Variants in SPMIP5 observed in about 807,000 individuals in gnomAD.
The protein encoded by SPMIP5 is sperm microtubule inner protein 5.
chr10:116,665,496 C>G, the SPMIP5 span: 1 of 892,420 alleles, frequency 1.1e-6, no homozygotes, highest in Non-Finnish European at 1.7e-6. Flanking sequence ...GTGCTGACCC[C>G]TGGGATTTGG....
At chr10:116,664,815 TCC>T in the SPMIP5 span, 1 of 1,614,006 alleles carries the variant, frequency 6.2e-7, no homozygotes, top group Non-Finnish European at 8.5e-7. Context: ...CTCCAGGAAG[TCC>T]TTGTAGCAGT....
chr10:116,664,439 G>A, the SPMIP5 span: 2 of 784,548 alleles, frequency 2.5e-6, no homozygotes, highest in Middle Eastern at 3.9e-4. Flanking sequence ...TTTCGCAGAA[G>A]AGAAAGCTGA....
At chr10:116,669,790 G>A in the SPMIP5 span, 1 of 152,248 alleles carries the variant, frequency 6.6e-6, no homozygotes, top group Admixed American at 6.5e-5. Flanking sequence ...GCATCAGCTG[G>A]GGTATAAGCC....
At chr10:116,664,182 G>C in the SPMIP5 span, 4 of 1,613,992 alleles carry the variant, frequency 2.5e-6, no homozygotes, top group Admixed American at 1.7e-5. Context: ...ACCTGGAATA[G>C]AAAAATCGGG....
At chr10:116,664,121 T>C in the SPMIP5 span, 4 of 1,613,876 alleles carry the variant, frequency 2.5e-6, no homozygotes, top group Admixed American at 3.3e-5. Flanking sequence ...ACTGCAAACA[T>C]TTCATCCCCT....
chr10:116,667,115 G>A, the SPMIP5 span, among the ~76,000 whole-genome samples: 5 of 152,182 alleles, frequency 3.3e-5, no homozygotes, highest in Non-Finnish European at 7.3e-5. Flanking sequence ...TCTGATGACT[G>A]ATGTCCTTAT....
chr10:116,664,140 C>T, the SPMIP5 span: 27 of 1,613,898 alleles, frequency 1.7e-5, 1 homozygote, highest in African/African-American at 5.3e-5. Flanking sequence ...CTTTTTAAAA[C>T]GGTAGTAGGA....
chr10:116,669,916 T>C, the SPMIP5 span: 3 of 152,188 alleles, frequency 2.0e-5, no homozygotes, highest in African/African-American at 7.2e-5. Context: ...CAATCCCACC[T>C]CAGCGCTCAC....
chr10:116,668,533 T>C, the SPMIP5 span, among the ~76,000 whole-genome samples: 1 of 152,088 alleles, frequency 6.6e-6, no homozygotes, highest in South Asian at 2.1e-4. Flanking sequence ...CCATCACCTT[T>C]TATGTTAACT....
At chr10:116,663,352 A>G in the SPMIP5 span, among the ~76,000 whole-genome samples, 3 of 152,176 alleles carry the variant, frequency 2.0e-5, no homozygotes. Context: ...CTAACACCCC[A>G]GTTTTGGACT....
the SPMIP5 span, among the ~76,000 whole-genome samples, chr10:116,666,919 T>C: frequency 6.6e-6 from 1 of 152,354 alleles, no homozygotes; most frequent in East Asian, 1.9e-4. Context: ...CTGGCTCCTT[T>C]AATCCTCACA....
At chr10:116,669,791 G>C in the SPMIP5 span, 1 of 152,264 alleles carries the variant, frequency 6.6e-6, no homozygotes. Flanking sequence ...CATCAGCTGG[G>C]GTATAAGCCT....
the SPMIP5 span, among the ~76,000 whole-genome samples, chr10:116,662,518 G>GA: frequency 6.6e-6 from 1 of 152,126 alleles, no homozygotes; most frequent in Admixed American, 6.5e-5. Flanking sequence ...TCTACCCATG[G>GA]AATCATGGGA....
chr10:116,666,561 T>C, the SPMIP5 span, among the ~76,000 whole-genome samples: 1 of 152,146 alleles, frequency 6.6e-6, no homozygotes. Flanking sequence ...CCAACATTTT[T>C]GCCATGGTCT....
chr10:116,668,968 C>CACACACACACACAA, the SPMIP5 span, among the ~76,000 whole-genome samples: 2 of 147,944 alleles, frequency 1.4e-5, no homozygotes, highest in African/African-American at 2.5e-5. Context: ...CACACACACA[C>CACACACACACACAA]ACAAACAAGG....
chr10:116,668,292 G>A, the SPMIP5 span: 2 of 1,613,818 alleles, frequency 1.2e-6, no homozygotes, highest in Non-Finnish European at 1.7e-6. Context: ...GGTTTCTCAT[G>A]AAGGTCTTGG....
the SPMIP5 span, among the ~76,000 whole-genome samples, chr10:116,667,051 ATTAAG>A: frequency 1.4e-4 from 21 of 152,176 alleles, no homozygotes; most frequent in South Asian, 4.1e-4. Context: ...CTCAGATGTA[ATTAAG>A]TTAAGGGCCT....
At chr10:116,662,388 G>A in the SPMIP5 span, among the ~76,000 whole-genome samples, 11 of 152,300 alleles carry the variant, frequency 7.2e-5, no homozygotes, top group African/African-American at 2.4e-4. Context: ...CAAGGTGACA[G>A]GTCCTGCAGT....
At chr10:116,667,583 C>T in the SPMIP5 span, among the ~76,000 whole-genome samples, 2 of 152,212 alleles carry the variant, frequency 1.3e-5, no homozygotes, top group East Asian at 3.8e-4. Flanking sequence ...CACCCAAGTA[C>T]TATTCCTCCT....
Sources: gnomAD v4.1 joint callset for allele counts (sites outside exome capture counted in the v4.1 genomes callset) on GRCh38, gnomAD v4.1.1 for gene constraint, MANE v1.5 for transcripts, NCBI Gene and HGNC (gene_info 2026-07-23, HGNC 2026-07-21) for gene names.